POTEE: variants seen among roughly 807,000 people sequenced by gnomAD.
POTEE encodes ANKRD26-like family C member 1A.
POTEE carries 21 observed loss-of-function variants against 74.2 expected under a neutral mutation model. That is an observed-to-expected ratio of 0.28 (90% confidence interval 0.20 to 0.41). The LOEUF (loss-of-function observed/expected upper bound fraction) is 0.41, where lower values mean the gene tolerates loss of function less well. Ranked by LOEUF, POTEE falls within the 10% of genes least tolerant of loss-of-function variation. POTEE has a pLI of 1.00. For synonymous variants in POTEE, 211 were observed against 432.8 expected (o/e 0.49, Z 6.36); for missense variants, 525 against 1,158.6 (o/e 0.45, Z 7.94).
At chr2:131,220,682 C>T (rs1435459581) in intron 4 of POTEE, among the ~76,000 whole-genome samples, 1 of 151,952 alleles carries the variant, frequency 6.6e-6, no homozygotes, top group Non-Finnish European at 1.5e-5. Context: ...GAATGAAAGG[C>T]CGGGTACAGT....
chr2:131,256,922 G>A (rs1256164541), intron 16 of POTEE, among the ~76,000 whole-genome samples: 3 of 152,428 alleles, frequency 2.0e-5, no homozygotes, highest in Middle Eastern at 3.4e-3. Flanking sequence ...ACGTAATTGA[G>A]GGAAGGTTCA....
chr2:131,210,538 C>T (rs1289380103), intron 1 of POTEE, among the ~76,000 whole-genome samples: 2 of 151,948 alleles, frequency 1.3e-5, no homozygotes, highest in Admixed American at 6.5e-5. Flanking sequence ...TTCTCTTTTC[C>T]AGACTCCAGA....
chr2:131,209,930 C>T (rs1231436977), intron 1 of POTEE, among the ~76,000 whole-genome samples, 111 bp downstream of exon 1: 2 of 146,052 alleles, frequency 1.4e-5, no homozygotes, highest in Non-Finnish European at 1.5e-5. Flanking sequence ...GTTGGGGGCA[C>T]TCTCCGAGGT....
intron 16 of POTEE, among the ~76,000 whole-genome samples, chr2:131,255,565 G>GTTTTTTT (rs752323540): frequency 7.3e-5 from 1 of 13,606 alleles, no homozygotes; most frequent in African/African-American, 2.3e-4. Flanking sequence ...CTTTCTCATA[G>GTTTTTTT]TTTTTTTTTT....
At chr2:131,222,257 A>AG (rs1700643120) in intron 4 of POTEE, among the ~76,000 whole-genome samples, 2 of 152,248 alleles carry the variant, frequency 1.3e-5, no homozygotes, top group Admixed American at 1.3e-4. Flanking sequence ...TGTCCTTTGC[A>AG]GGGACATGGA....
intron 4 of POTEE, among the ~76,000 whole-genome samples, chr2:131,221,996 A>G (rs1241499523): frequency 6.6e-6 from 1 of 152,296 alleles, no homozygotes. Flanking sequence ...CTTCATGTTT[A>G]TCTGCTGGGC....
chr2:131,235,342 G>T (rs1454243757), intron 9 of POTEE, among the ~76,000 whole-genome samples: 1 of 152,154 alleles, frequency 6.6e-6, no homozygotes, highest in Non-Finnish European at 1.5e-5. Flanking sequence ...TCTTGGAGCA[G>T]ACGGGACAGA....
intron 9 of POTEE, among the ~76,000 whole-genome samples, chr2:131,233,993 G>A (rs1171459969): frequency 2.2e-3 from 320 of 146,472 alleles, no homozygotes; most frequent in African/African-American, 8.3e-3. Context: ...GATATTTTGA[G>A]TAGGTAATTG....
chr2:131,228,864 A>G (rs1423309017), intron 8 of POTEE, among the ~76,000 whole-genome samples: 1 of 145,060 alleles, frequency 6.9e-6, no homozygotes, highest in Non-Finnish European at 1.5e-5. Context: ...AGACATTGCA[A>G]TCATTCTGTT....
intron 10 of POTEE, among the ~76,000 whole-genome samples, chr2:131,237,617 C>G (rs1199259182): frequency 2.6e-5 from 4 of 151,470 alleles, no homozygotes; most frequent in African/African-American, 4.9e-5. Context: ...ATACATAACA[C>G]TATCATATGA....
chr2:131,229,618 G>C (rs998350579), intron 8 of POTEE: 2 of 152,162 alleles, frequency 1.3e-5, no homozygotes, highest in Non-Finnish European at 2.9e-5. Flanking sequence ...TGCTTGCTTC[G>C]GCGGCACATA....
rs1700486157 is a variant in POTEE, at chr2:131,217,900, C to T, written c.-94+217C>T. On this transcript the variant is annotated intron_variant, in intron 3 of 17. Coordinates refer to ENST00000683005, the MANE Select transcript of POTEE (RefSeq NM_001083538.3). Reference sequence around the variant, plus strand: ...GCACGCGCACGCCGCACGCGCGTAACGGCTTGGCTGGCCTGTAATGGCTTG... The same window carrying T: ...GCACGCGCACGCCGCACGCGCGTAATGGCTTGGCTGGCCTGTAATGGCTTG... Among the ~76,000 whole-genome samples the T allele has an allele frequency of 2.0e-5, 3 of 148,656 alleles. No homozygotes were observed. In the South Asian group the frequency reaches 6.4e-4, roughly 32 times the overall value.
intron 8 of POTEE, among the ~76,000 whole-genome samples, chr2:131,229,175 A>G (rs915219135): frequency 1.3e-4 from 20 of 151,956 alleles, no homozygotes; most frequent in African/African-American, 2.9e-4. Context: ...TGAGACCTTC[A>G]TGGTAAGAGA....
At chr2:131,230,152 A>T (rs1700904164) in intron 8 of POTEE, among the ~76,000 whole-genome samples, 1 of 152,152 alleles carries the variant, frequency 6.6e-6, no homozygotes, top group African/African-American at 2.4e-5. Context: ...CAATCACATT[A>T]TCTACTTTAA....
At position 131,264,949 on chromosome 2, in the gene POTEE, C is replaced by A; in HGVS notation, c.*266C>A. 1.7e-6 allele frequency: 1 copy of A among 591,808 alleles called. No homozygotes were observed. The highest frequency in any genetic ancestry group is 3.0e-6 in the Non-Finnish European group (1 of 335,998). The allele number at this position is 591,808 out of a possible 1,614,324, so 36.7% of individuals were successfully genotyped here. A position where few individuals can be genotyped will look rare whatever the true frequency, so the allele number is the denominator to read the frequency against. On this transcript the variant is annotated 3_prime_UTR_variant, in exon 18 of 18. Coordinates refer to ENST00000683005, the MANE Select transcript of POTEE (RefSeq NM_001083538.3). ...AATAGTCATTCCAAATATTGTGAGA[C>A]GCATTGTTTCAGGAAGCCCCTTGCC... is the stretch of plus-strand genomic sequence containing the variant.
At chr2:131,229,292 T>A (rs1700875212) in intron 8 of POTEE, among the ~76,000 whole-genome samples, 2 of 152,140 alleles carry the variant, frequency 1.3e-5, no homozygotes, top group South Asian at 4.1e-4. Context: ...AGTGTTTGTT[T>A]CCTCTTTGCT....
intron 8 of POTEE, among the ~76,000 whole-genome samples, chr2:131,230,549 G>C (rs1045001501): frequency 6.6e-6 from 1 of 152,144 alleles, no homozygotes; most frequent in African/African-American, 2.4e-5. Flanking sequence ...TATGGAGCTA[G>C]GACTTATTTA....
rs1490114091 is a variant in POTEE, at chr2:131,264,314, G to A, written c.2859G>A (p.Glu953=). 1 of 1,613,834 alleles carries A rather than the reference G, an allele frequency of 6.2e-7. No homozygotes were observed. Among genetic ancestry groups the A allele is most frequent in the Admixed American group, 1.7e-5 (1 of 60,016 alleles). ...PDGQVITIGN[E]RFRCPEALFQ... is the part of the protein sequence containing the mutation. ...GCCAGGTCATCACCATCGGCAACGA[G>A]CGGTTCCGCTGCCCCGAGGCGCTCT... Residue 953 remains glutamate, a synonymous_variant, in exon 18 of 18, where the codon GAG becomes GAA. Coordinates refer to ENST00000683005, the MANE Select transcript of POTEE (RefSeq NM_001083538.3).
At chr2:131,214,392 G>A (rs1193594724) in intron 2 of POTEE, among the ~76,000 whole-genome samples, 1 of 152,234 alleles carries the variant, frequency 6.6e-6, no homozygotes, top group Non-Finnish European at 1.5e-5. Context: ...GCAAATTGTT[G>A]TCCTAAAGTA....
Sources: allele counts gnomAD v4.1 joint callset (sites outside exome capture counted in the v4.1 genomes callset), GRCh38; gene constraint gnomAD v4.1.1; transcripts MANE v1.5; gene names NCBI Gene and HGNC (gene_info 2026-07-23, HGNC 2026-07-21).